Variants in C2CD5 observed in about 807,000 individuals in gnomAD.
The protein encoded by C2CD5 is C2 calcium dependent domain containing 5.
Under a neutral mutation model 130.3 loss-of-function variants are expected in C2CD5, and 109 were observed. The ratio of observed to expected loss-of-function variants is 0.84; its 90% CI spans 0.72 to 0.98. The LOEUF (loss-of-function observed/expected upper bound fraction) is 0.98, where lower values mean the gene tolerates loss of function less well. Among genes scored for constraint, C2CD5 ranks in the 50% least tolerant of loss-of-function variants. The pLI is 0.00. For missense variants in C2CD5, 996 were observed against 1,261.8 expected (o/e 0.79, Z 3.19); for synonymous variants, 454 against 429.2 (o/e 1.06, Z -0.71).
chr12:22,477,601 T>G (rs1944032830), intron 15 of C2CD5, among the ~76,000 whole-genome samples: 1 of 152,162 alleles, frequency 6.6e-6, no homozygotes, highest in African/African-American at 2.4e-5. Context: ...ATGTTATACT[T>G]TCCTTTTGTG....
chr12:22,531,467 G>A (rs779383067), intron 3 of C2CD5, among the ~76,000 whole-genome samples: 65 of 152,128 alleles, frequency 4.3e-4, no homozygotes, highest in Non-Finnish European at 7.8e-4. Context: ...TTGAGAGTGC[G>A]GAAATAAATC....
chr12:22,467,101 T>C (rs1253218331), intron 22 of C2CD5, among the ~76,000 whole-genome samples: 1 of 152,230 alleles, frequency 6.6e-6, no homozygotes, highest in Non-Finnish European at 1.5e-5. Context: ...GACAAACCTC[T>C]ATGGTTCAGA....
chr12:22,493,304 T>G lies in C2CD5; in HGVS notation c.1181A>C (p.Glu394Ala). 6.2e-7 allele frequency: 1 copy of G among 1,611,902 alleles called. No homozygotes were observed. Among genetic ancestry groups the G allele is most frequent in the Non-Finnish European group, 8.5e-7 (1 of 1,178,888 alleles). Residue 394 changes from glutamate (E) to alanine (A), a missense_variant, in exon 11 of 27, where the codon GAA (glutamate) becomes GCA (alanine). Glu to Ala is a moderately radical substitution (Grantham distance 107). Coordinates refer to ENST00000446597, the MANE Select transcript of C2CD5 (RefSeq NM_001286176.2). ...ATGTGATTTTATTTCTTGTCTGATT[T>G]CTGCCCACCATGCATCTCGAGTTTC... ...EPETRDAWWAEIRQEIKSHAK... is the reference protein window; with the variant it reads ...EPETRDAWWAAIRQEIKSHAK...
intron 22 of C2CD5, among the ~76,000 whole-genome samples, chr12:22,469,099 C>T (rs1011155071): frequency 6.6e-6 from 1 of 152,014 alleles, no homozygotes; most frequent in Non-Finnish European, 1.5e-5. Flanking sequence ...ACAATACCTC[C>T]CACTTTTCCC....
rs1163010595 is a variant in C2CD5 at position 22,524,454 on chromosome 12, G to C, written c.601+18C>G. On this transcript the variant is annotated intron_variant, in intron 6 of 26. Coordinates refer to ENST00000446597, the MANE Select transcript of C2CD5 (RefSeq NM_001286176.2). The stretch of plus-strand genomic sequence containing the variant: ...GAGTACTAAATCAGTCAGTAATAAA[G>C]TTATTTTTTTTAAATACCTGACATT... The C allele has an allele frequency of 1.2e-6, 2 of 1,609,200 alleles. No individual in the cohort carries two copies. The highest frequency in any genetic ancestry group is 3.4e-5 in the Admixed American group (2 of 59,594).
intron 9 of C2CD5, among the ~76,000 whole-genome samples, chr12:22,507,136 C>A (rs762609323): frequency 3.3e-5 from 5 of 152,076 alleles, no homozygotes; most frequent in Non-Finnish European, 2.9e-5. Context: ...TCTGATGGAA[C>A]TTCTCAATGA....
At chr12:22,513,734 A>C (rs937039396) in intron 8 of C2CD5, among the ~76,000 whole-genome samples, 1 of 152,170 alleles carries the variant, frequency 6.6e-6, no homozygotes, top group African/African-American at 2.4e-5. Flanking sequence ...TAACAATTTA[A>C]GAATACTAAC....
intron 16 of C2CD5, among the ~76,000 whole-genome samples, chr12:22,474,378 T>C (rs1221821172): frequency 1.3e-5 from 2 of 152,306 alleles, no homozygotes; most frequent in East Asian, 3.9e-4. Flanking sequence ...ACAGTGATTA[T>C]ACTAAAAAAT....
chr12:22,530,102 A>G (rs1044263608), intron 3 of C2CD5, among the ~76,000 whole-genome samples: 2 of 115,126 alleles, frequency 1.7e-5, no homozygotes, highest in Non-Finnish European at 3.5e-5. Flanking sequence ...ATATATATAT[A>G]TATATATATA....
intron 2 of C2CD5, among the ~76,000 whole-genome samples, chr12:22,542,719 G>T (rs556254531): frequency 1.3e-5 from 2 of 152,290 alleles, no homozygotes; most frequent in South Asian, 4.1e-4. Flanking sequence ...AGAACAAACT[G>T]TCAGGCTGTG....
chr12:22,482,230 T>C (rs1944843046), intron 14 of C2CD5, among the ~76,000 whole-genome samples: 1 of 152,146 alleles, frequency 6.6e-6, no homozygotes, highest in African/African-American at 2.4e-5. Flanking sequence ...AACAAAGAGG[T>C]ATCCTGCCCT....
At chr12:22,485,631 A>G (rs1047513839) in intron 12 of C2CD5, among the ~76,000 whole-genome samples, 1 of 152,162 alleles carries the variant, frequency 6.6e-6, no homozygotes, top group Non-Finnish European at 1.5e-5. Flanking sequence ...TCTATTTCAT[A>G]AAGTCATACT....
intron 15 of C2CD5, among the ~76,000 whole-genome samples, chr12:22,475,369 CATAT>C (rs1401632103): frequency 1.3e-5 from 2 of 152,092 alleles, no homozygotes; most frequent in South Asian, 2.1e-4. Flanking sequence ...AGTATGAATA[CATAT>C]ATACTTATAC....
intron 3 of C2CD5, among the ~76,000 whole-genome samples, chr12:22,532,673 T>C (rs185017056): frequency 3.3e-5 from 5 of 152,332 alleles, no homozygotes; most frequent in African/African-American, 9.6e-5. Flanking sequence ...AAAATCGTAG[T>C]GTCATTTCTT....
chr12:22,509,545 A>C (rs893001249), intron 9 of C2CD5, among the ~76,000 whole-genome samples: 4 of 152,162 alleles, frequency 2.6e-5, no homozygotes, highest in Non-Finnish European at 5.9e-5. Context: ...ACAAAATTTA[A>C]CCTATAATAA....
At chr12:22,502,687 A>G (rs1310509926) in intron 10 of C2CD5, 5 of 971,382 alleles carry the variant, frequency 5.1e-6, no homozygotes, top group Non-Finnish European at 7.8e-6. Flanking sequence ...AACTTCACTG[A>G]GCTGCCATAA....
chr12:22,478,292 A>T lies in C2CD5; in HGVS notation c.1902+21T>A, dbSNP rs539161225. ...ATAAACAATAACTGATACATTCACA[A>T]TGTAGGTTTGTTTTACTTACTGGAG... On this transcript the variant is annotated intron_variant, in intron 15 of 26. Coordinates refer to ENST00000446597, the MANE Select transcript of C2CD5 (RefSeq NM_001286176.2). 6 of 1,576,914 alleles carry T rather than the reference A, an allele frequency of 3.8e-6. No individual in the cohort carries two copies. The African/African-American group carries it at 6.7e-5, about 18-fold the overall frequency.
At position 22,474,851 on chromosome 12, in the gene C2CD5, G is replaced by A; in HGVS notation, c.1943C>T (p.Pro648Leu). 1.9e-6 allele frequency: 3 copies of A among 1,606,392 alleles called. No homozygotes were observed. The highest frequency in any genetic ancestry group is 2.2e-5 in the East Asian group (1 of 44,610). ...TCTTAGAAGTCTTGAGCGTTGCCTA[G>A]GTTCTGGGATGGGTGATCCTATAAT... is the stretch of plus-strand genomic sequence containing the variant. ...EEIIGSPIPE[P>L]RQRSRLLRSQ... Residue 648 changes from proline to leucine, a missense_variant, in exon 16 of 27, where the codon CCT becomes CTT. By Grantham distance (98) the Pro-to-Leu change is moderately conservative. Transcript: ENST00000446597.
At chr12:22,533,742 G>A (rs1951541907) in intron 3 of C2CD5, among the ~76,000 whole-genome samples, 1 of 152,160 alleles carries the variant, frequency 6.6e-6, no homozygotes, top group Non-Finnish European at 1.5e-5. Context: ...TCCTTTTGGA[G>A]AAGTCCCCTC....
Sources: gnomAD v4.1 joint callset for allele counts (sites outside exome capture counted in the v4.1 genomes callset) on GRCh38, gnomAD v4.1.1 for gene constraint, MANE v1.5 for transcripts, NCBI Gene and HGNC (gene_info 2026-07-23, HGNC 2026-07-21) for gene names.